Variants in GRIK2 observed in about 807,000 individuals in gnomAD.
The protein encoded by GRIK2 is glutamate ionotropic receptor kainate type subunit 2.
GRIK2 carries 32 observed loss-of-function variants against 100.3 expected under a neutral mutation model. The observed-to-expected ratio is 0.32, with a 90% CI of 0.24 to 0.43. GRIK2 has a LOEUF of 0.43. GRIK2 is among the 20% of genes least tolerant of loss of function. GRIK2 has a pLI of 1.00. For synonymous variants in GRIK2, 417 were observed against 389.4 expected (o/e 1.07, Z -0.83); for missense variants, 843 against 1,114.9 (o/e 0.76, Z 3.47).
rs938762686 is a variant in GRIK2 at position 101,491,876 on chromosome 6, T to C, written c.115+92484T>C. On this transcript the variant is annotated intron_variant, in intron 2 of 16. Coordinates refer to ENST00000369134, the MANE Select transcript of GRIK2 (RefSeq NM_021956.5). ...GGTTCTATCATAGTTTGCATATATA[T>C]ATATGTGTGTTTGAATGTATATATG... 2.6e-5 allele frequency among the ~76,000 whole-genome samples: 4 copies of C among 151,704 alleles called. No individual in the cohort carries two copies. The Admixed American group carries it at 2.6e-4, about 10-fold the overall frequency.
intron 2 of GRIK2, among the ~76,000 whole-genome samples, chr6:101,402,018 C>G (rs1442593060): frequency 6.6e-6 from 1 of 152,136 alleles, no homozygotes; most frequent in Non-Finnish European, 1.5e-5. Context: ...CCCAGCCCCC[C>G]TTCCCCGCTA....
intron 14 of GRIK2, among the ~76,000 whole-genome samples, chr6:102,013,397 C>T (rs1009156248): frequency 6.6e-6 from 1 of 151,994 alleles, no homozygotes; most frequent in African/African-American, 2.4e-5. Context: ...ACTTTTAATC[C>T]CTCTCTTTCT....
chr6:101,960,053 G>T (rs2399585), intron 14 of GRIK2, among the ~76,000 whole-genome samples: 58,823 of 128,892 alleles, frequency 0.46, 13,451 homozygotes, highest in South Asian at 0.52. Flanking sequence ...TTAGTGTTTT[G>T]TTTTTTTTTT....
At chr6:101,563,210 A>G (rs954441671) in intron 2 of GRIK2, among the ~76,000 whole-genome samples, 3 of 152,174 alleles carry the variant, frequency 2.0e-5, no homozygotes, top group African/African-American at 7.2e-5. Context: ...AAGACAGTGA[A>G]CCATCAGGCA....
At chr6:101,901,458 CTTA>C (rs1250914245) in intron 12 of GRIK2, among the ~76,000 whole-genome samples, 1 of 151,224 alleles carries the variant, frequency 6.6e-6, no homozygotes, top group East Asian at 1.9e-4. Context: ...CTTCAGAAAT[CTTA>C]TTATAAAATG....
chr6:101,556,117 A>G (rs1309279095), intron 2 of GRIK2, among the ~76,000 whole-genome samples: 1 of 151,916 alleles, frequency 6.6e-6, no homozygotes, highest in African/African-American at 2.4e-5. Flanking sequence ...AATTGCAAAT[A>G]TCTTTATATC....
intron 2 of GRIK2, among the ~76,000 whole-genome samples, chr6:101,558,355 A>G (rs1005038896): frequency 6.6e-6 from 1 of 152,214 alleles, no homozygotes; most frequent in Non-Finnish European, 1.5e-5. Context: ...ACTACCATAC[A>G]GGGAGCTGAG....
intron 4 of GRIK2, among the ~76,000 whole-genome samples, chr6:101,662,495 G>C (rs1769701862): frequency 6.6e-6 from 1 of 151,994 alleles, no homozygotes; most frequent in Admixed American, 6.6e-5. Flanking sequence ...CCTTCTCTTG[G>C]AAAGTGCAGT....
At chr6:101,596,291 A>G (rs774470689) in intron 2 of GRIK2, among the ~76,000 whole-genome samples, 2 of 149,294 alleles carry the variant, frequency 1.3e-5, no homozygotes, top group Admixed American at 6.7e-5. Context: ...GATTCAGCTA[A>G]TTTTTTCATT....
At chr6:101,818,510 T>C in intron 10 of GRIK2, 27 bp downstream of exon 10, 1 of 1,194,392 alleles carries the variant, frequency 8.4e-7, no homozygotes, top group Non-Finnish European at 1.3e-6. Context: ...CCATTATTCT[T>C]AGTTAAATGT....
chr6:101,697,340 CGTGTGTGTGTGT>C (rs63654860), intron 7 of GRIK2, among the ~76,000 whole-genome samples: 101,287 of 146,682 alleles, frequency 0.69, 36,868 homozygotes, highest in Non-Finnish European at 0.82. Flanking sequence ...TTAGGGTGTA[CGTGTGTGTGTGT>C]GTGTGTGTGT....
intron 7 of GRIK2, among the ~76,000 whole-genome samples, chr6:101,766,641 G>T (rs566278250): frequency 9.9e-5 from 15 of 152,226 alleles, no homozygotes; most frequent in Middle Eastern, 3.4e-3. Context: ...TGACTTCTGG[G>T]AGTGTTGTCC....
intron 11 of GRIK2, among the ~76,000 whole-genome samples, chr6:101,876,461 G>T (rs1785846373): frequency 6.8e-6 from 1 of 146,268 alleles, no homozygotes; most frequent in African/African-American, 2.5e-5. Flanking sequence ...ATTAAAATAT[G>T]GTTTCCTTAG....
chr6:101,600,241 T>C (rs542503461), intron 2 of GRIK2, among the ~76,000 whole-genome samples: 1 of 152,044 alleles, frequency 6.6e-6, no homozygotes, highest in East Asian at 1.9e-4. Context: ...GGTTCTCCGT[T>C]CTTTTCCACT....
intron 14 of GRIK2, among the ~76,000 whole-genome samples, chr6:102,023,030 A>G (rs1035082976): frequency 5.3e-5 from 8 of 151,550 alleles, no homozygotes; most frequent in African/African-American, 1.9e-4. Context: ...GAGTGTTGCA[A>G]GAATGCAGGA....
chr6:101,418,262 A>G (rs577950973), intron 2 of GRIK2, among the ~76,000 whole-genome samples: 17 of 152,214 alleles, frequency 1.1e-4, no homozygotes, highest in African/African-American at 4.1e-4. Context: ...TCTATTATCC[A>G]TTTAAACATA....
intron 2 of GRIK2, among the ~76,000 whole-genome samples, chr6:101,572,129 T>C (rs1388009286): frequency 6.6e-6 from 1 of 152,010 alleles, no homozygotes; most frequent in African/African-American, 2.4e-5. Flanking sequence ...AGCTTTGTCA[T>C]TTAAAAAAAG....
rs144682769 is a variant in GRIK2 at position 101,472,668 on chromosome 6, G to T, written c.115+73276G>T. On this transcript the variant is annotated intron_variant, in intron 2 of 16. Coordinates refer to ENST00000369134, the MANE Select transcript of GRIK2 (RefSeq NM_021956.5). Reference sequence around the variant, plus strand: ...GTGTGAATAAACAATTTCCATTTCAGGTTCTTTTTGAGTAGGCACAATACA... The same window carrying T: ...GTGTGAATAAACAATTTCCATTTCATGTTCTTTTTGAGTAGGCACAATACA... 6.6e-5 allele frequency among the ~76,000 whole-genome samples: 10 copies of T among 151,752 alleles called. No individual in the cohort carries two copies. In the East Asian group the frequency reaches 1.5e-3, roughly 23 times the overall value.
At chr6:101,941,937 G>T (rs1288468111) in intron 14 of GRIK2, among the ~76,000 whole-genome samples, 2 of 151,876 alleles carry the variant, frequency 1.3e-5, no homozygotes, top group Non-Finnish European at 2.9e-5. Flanking sequence ...ATGACTCCCA[G>T]ATTTAGGAGA....
Sources: gnomAD v4.1 joint callset for allele counts (sites outside exome capture counted in the v4.1 genomes callset) on GRCh38, gnomAD v4.1.1 for gene constraint, MANE v1.5 for transcripts, NCBI Gene and HGNC (gene_info 2026-07-23, HGNC 2026-07-21) for gene names.